Variants in IL1RAPL1 observed in about 807,000 individuals in gnomAD.
IL1RAPL1 encodes interleukin-1 receptor accessory protein-like 1.
In IL1RAPL1, 3 loss-of-function variants were observed where a neutral mutation model predicts 48.4. That is an observed-to-expected ratio of 0.06 (90% CI 0.03 to 0.16). IL1RAPL1 has a LOEUF of 0.16. Among genes scored for constraint, IL1RAPL1 ranks in the 10% least tolerant of loss-of-function variants. The pLI, the probability that IL1RAPL1 is intolerant of heterozygous loss-of-function variation, is 1.00. For synonymous variants in IL1RAPL1, 185 were observed against 187.7 expected (o/e 0.99, Z 0.12); for missense variants, 349 against 530.6 (o/e 0.66, Z 3.36).
intron 6 of IL1RAPL1, among the ~76,000 whole-genome samples, chrX:29,674,270 A>G (rs1389741716): frequency 9.0e-6 from 1 of 111,257 alleles, no homozygotes; most frequent in Non-Finnish European, 1.9e-5. Flanking sequence ...CTACAAATAT[A>G]CAAAAATTAG....
chrX:29,679,068 G>A (rs1467574312), intron 6 of IL1RAPL1, among the ~76,000 whole-genome samples: 6 of 111,392 alleles, frequency 5.4e-5, no homozygotes, highest in Non-Finnish European at 9.4e-5. Context: ...GCGGCTCTTT[G>A]AGTAGGAAAA....
At chrX:29,698,581 G>A (rs1309448567) in intron 6 of IL1RAPL1, among the ~76,000 whole-genome samples, 1 of 108,686 alleles carries the variant, frequency 9.2e-6, no homozygotes, top group African/African-American at 3.3e-5. Context: ...AAGGATAGAA[G>A]GATAGAAGGA....
intron 2 of IL1RAPL1, among the ~76,000 whole-genome samples, chrX:29,226,015 C>T (rs183533124): frequency 9.0e-6 from 1 of 111,489 alleles, no homozygotes; most frequent in Non-Finnish European, 1.9e-5. Context: ...CTACAAACTC[C>T]CAGGTGGTGT....
intron 5 of IL1RAPL1, among the ~76,000 whole-genome samples, chrX:29,620,167 G>A (rs905771007): frequency 6.3e-5 from 7 of 111,479 alleles, no homozygotes; most frequent in African/African-American, 9.8e-5. Flanking sequence ...TTCTCGTGGC[G>A]TTTTCAGAGC....
At chrX:29,091,107 A>C (rs1190938107) in intron 2 of IL1RAPL1, among the ~76,000 whole-genome samples, 1 of 112,407 alleles carries the variant, frequency 8.9e-6, no homozygotes, top group Non-Finnish European at 1.9e-5. Context: ...ATATAAACTT[A>C]TTAATGAACT....
intron 2 of IL1RAPL1, among the ~76,000 whole-genome samples, chrX:28,798,072 G>A (rs1009859899): frequency 1.9e-4 from 21 of 111,364 alleles, no homozygotes; most frequent in African/African-American, 6.5e-4. Context: ...GTGCAGGAAA[G>A]ACCCACCCCC....
chrX:29,816,447 A>C (rs893498201), intron 6 of IL1RAPL1, among the ~76,000 whole-genome samples: 1 of 110,671 alleles, frequency 9.0e-6, no homozygotes, highest in African/African-American at 3.3e-5. Flanking sequence ...ACCAATGAAA[A>C]AAAGCCCTGG....
At chrX:29,371,819 A>G (rs1273513821) in intron 3 of IL1RAPL1, among the ~76,000 whole-genome samples, 1 of 111,852 alleles carries the variant, frequency 8.9e-6, no homozygotes, top group African/African-American at 3.2e-5. Context: ...ATATGTACCC[A>G]TTTTCTTTAT....
intron 2 of IL1RAPL1, among the ~76,000 whole-genome samples, chrX:28,820,009 T>TACAC (rs1228288604): frequency 2.5e-5 from 2 of 80,344 alleles, no homozygotes; most frequent in African/African-American, 5.0e-5. Context: ...TATATATATA[T>TACAC]ATATACATGT....
intron 6 of IL1RAPL1, among the ~76,000 whole-genome samples, chrX:29,854,707 T>A (rs1931444595): frequency 9.0e-6 from 1 of 111,592 alleles, no homozygotes; most frequent in Non-Finnish European, 1.9e-5. Flanking sequence ...TTTAGAGTAA[T>A]GATTGAATTA....
chrX:28,815,867 AT>A (rs1936861435), intron 2 of IL1RAPL1, among the ~76,000 whole-genome samples: 1 of 73,927 alleles, frequency 1.4e-5, no homozygotes, highest in African/African-American at 4.4e-5. Context: ...ATATATATAT[AT>A]ATATATATAT....
chrX:28,984,429 A>G (rs1349132587), intron 2 of IL1RAPL1, among the ~76,000 whole-genome samples: 1 of 111,497 alleles, frequency 9.0e-6, no homozygotes. Context: ...AAACAACCAC[A>G]TAAAACGACC....
chrX:29,215,097 C>T (rs1313085928), intron 2 of IL1RAPL1, among the ~76,000 whole-genome samples: 2 of 111,219 alleles, frequency 1.8e-5, no homozygotes, highest in Non-Finnish European at 3.8e-5. Context: ...CCTGTAATCC[C>T]AGCACTTCGG....
intron 2 of IL1RAPL1, among the ~76,000 whole-genome samples, chrX:28,828,850 A>G (rs541632688): frequency 1.8e-5 from 2 of 111,363 alleles, no homozygotes; most frequent in Non-Finnish European, 3.8e-5. Flanking sequence ...ATTCCAGATG[A>G]ATTTTAGGCA....
intron 5 of IL1RAPL1, among the ~76,000 whole-genome samples, chrX:29,444,206 G>A (rs927678265): frequency 3.5e-4 from 39 of 110,013 alleles, no homozygotes; most frequent in African/African-American, 1.1e-3. Flanking sequence ...GCCGGATATG[G>A]TGGTGCACAC....
At chrX:29,473,608 A>T (rs1934944009) in intron 5 of IL1RAPL1, among the ~76,000 whole-genome samples, 1 of 68,594 alleles carries the variant, frequency 1.5e-5, no homozygotes, top group Non-Finnish European at 2.7e-5. Flanking sequence ...ACCCCCCACG[A>T]CCCCTCAGAA....
At chrX:29,798,382 G>T (rs1434449677) in intron 6 of IL1RAPL1, among the ~76,000 whole-genome samples, 1 of 111,620 alleles carries the variant, frequency 9.0e-6, no homozygotes, top group African/African-American at 3.3e-5. Context: ...CTTGCCTCTC[G>T]GTTTTATAGT....
intron 5 of IL1RAPL1, among the ~76,000 whole-genome samples, chrX:29,636,916 A>G (rs1225489119): frequency 1.8e-5 from 2 of 109,896 alleles, no homozygotes; most frequent in African/African-American, 3.3e-5. Flanking sequence ...TACAAAATAC[A>G]GGTGGCACAT....
At chrX:29,660,309 G>A (rs1218495878) in intron 5 of IL1RAPL1, among the ~76,000 whole-genome samples, 2 of 111,837 alleles carry the variant, frequency 1.8e-5, no homozygotes, top group Non-Finnish European at 3.8e-5. Context: ...TTTGTTAACT[G>A]TTTCCTTTGC....
Sources: allele counts gnomAD v4.1 joint callset (sites outside exome capture counted in the v4.1 genomes callset), GRCh38; gene constraint gnomAD v4.1.1; transcripts MANE v1.5; gene names NCBI Gene and HGNC (gene_info 2026-07-23, HGNC 2026-07-21).